Variants in ZNF676 observed in about 807,000 individuals in gnomAD.
ZNF676 encodes zinc finger protein 676.
In ZNF676, 4 loss-of-function variants were observed where a neutral mutation model predicts 6.0. The ratio of observed to expected loss-of-function variants is 0.67; its 90% CI spans 0.33 to 1.53. ZNF676 has a LOEUF of 1.53. Among genes scored for constraint, ZNF676 ranks in the 40% most tolerant of loss-of-function variants. The pLI is 0.06. For missense variants in ZNF676, 644 were observed against 679.7 expected (o/e 0.95, Z 0.58); for synonymous variants, 198 against 223.1 (o/e 0.89, Z 1.00).
chr19:22,181,323 T>C lies in ZNF676; in HGVS notation c.394A>G (p.Lys132Glu). The C allele has an allele frequency of 1.9e-6, 3 of 1,613,798 alleles. No homozygotes were observed. Among genetic ancestry groups the C allele is most frequent in the South Asian group, 1.1e-5 (1 of 91,072 alleles). Reference protein sequence around the residue: ...FHKCSNSNRHKIRHTGEKGLK... With the variant: ...FHKCSNSNRHEIRHTGEKGLK... ...CCTTTCTCTCCAGTATGCCTTATCT[T>C]ATGTCTGTTTGAATTTGAACATTTA... The change falls in exon 3 of 3, where the codon AAG becomes GAG. Residue 132 changes from lysine to glutamate, a missense_variant. Lys to Glu is a moderately conservative substitution (Grantham distance 56). Coordinates refer to ENST00000397121, the MANE Select transcript of ZNF676 (RefSeq NM_001001411.3).
chr19:22,185,404 A>G (rs1461853403), intron 2 of ZNF676, among the ~76,000 whole-genome samples: 1 of 151,902 alleles, frequency 6.6e-6, no homozygotes, highest in Non-Finnish European at 1.5e-5. Flanking sequence ...ATCCATAAAG[A>G]TGGGGAGAAA....
At chr19:22,221,474 G>C in the ZNF676 span, among the ~76,000 whole-genome samples, 4 of 152,198 alleles carry the variant, frequency 2.6e-5, no homozygotes, top group South Asian at 8.3e-4. Context: ...TTCAGGGGCT[G>C]GGCATGGTGG....
In ZNF676 at chr19:22,180,207, G is replaced by C; in HGVS notation, c.1510C>G (p.Arg504Gly). The change falls in exon 3 of 3, where the codon CGC (arginine) becomes GGC (glycine). Residue 504 changes from arginine to glycine, a missense_variant. Physicochemically the swap from Arg to Gly is moderately radical, Grantham distance 125 (BLOSUM62 -2). Around this residue, in one of 5 missense-constraint regions of ZNF676, gnomAD observed 306 missense variants for 265.4 expected, o/e 1.15. Transcript: ENST00000397121. ...TTGCCACATTCTTCACATTTGTAGC[G>C]TTTCTCTCCAGTATGAATTATCTTA... ...KHKIIHTGEKRYKCEECGKAF... is the reference protein window; with the variant it reads ...KHKIIHTGEKGYKCEECGKAF... The C allele has an allele frequency of 6.2e-7, 1 of 1,613,728 alleles. No homozygotes were observed. The highest frequency in any genetic ancestry group is 8.5e-7 in the Non-Finnish European group (1 of 1,179,914).
At chr19:22,251,662 C>T in the ZNF676 span, among the ~76,000 whole-genome samples, 2 of 152,016 alleles carry the variant, frequency 1.3e-5, no homozygotes, top group African/African-American at 2.4e-5. Flanking sequence ...GTGGCACGTG[C>T]CTGTAATCCC....
chr19:22,186,645 A>G (rs566424949), intron 2 of ZNF676, among the ~76,000 whole-genome samples: 18 of 152,356 alleles, frequency 1.2e-4, no homozygotes, highest in African/African-American at 3.8e-4. Context: ...TCCATCTCAC[A>G]TGCAAAGACA....
In ZNF676 at chr19:22,180,907, T is replaced by G; in HGVS notation, c.810A>C (p.Thr270=). 1.4e-6 allele frequency: 2 copies of G among 1,425,764 alleles called. No individual in the cohort carries two copies. Among genetic ancestry groups the G allele is most frequent in the Non-Finnish European group, 1.9e-6 (2 of 1,027,044 alleles). 88.3% of individuals were successfully genotyped at this position (1,425,764 alleles called of 1,614,324 possible). A position where few individuals can be genotyped will look rare whatever the true frequency, so the allele number is the denominator to read the frequency against. ...TCTCTTCAGCATGAATTGCCTTATG[T>G]GTATTAAGGGTTGAGACGCTACTAA... ...KGFSSVSTLN[T]HKAIHAEEKP... is the part of the protein sequence containing the mutation. The change falls in exon 3 of 3, where the codon ACA becomes ACC. Residue 270 remains threonine, a synonymous_variant. Transcript: ENST00000397121.
the ZNF676 span, among the ~76,000 whole-genome samples, chr19:22,239,372 G>A: frequency 6.6e-6 from 1 of 151,656 alleles, no homozygotes. Flanking sequence ...TAGAGACAGG[G>A]TTTCACCGTG....
At chr19:22,249,443 G>A in the ZNF676 span, among the ~76,000 whole-genome samples, 2 of 151,910 alleles carry the variant, frequency 1.3e-5, no homozygotes, top group Admixed American at 6.6e-5. Flanking sequence ...ACAGAGTTTC[G>A]TTCCTGTTGC....
At chr19:22,191,674 A>G (rs1349228046) in intron 2 of ZNF676, among the ~76,000 whole-genome samples, 1 of 152,140 alleles carries the variant, frequency 6.6e-6, no homozygotes, top group Non-Finnish European at 1.5e-5. Context: ...CTACTGAGCA[A>G]CGTCCTGAAG....
the ZNF676 span, among the ~76,000 whole-genome samples, chr19:22,234,962 GAGAAAGAAAGAA>G: frequency 0.11 from 11,214 of 101,148 alleles, 751 homozygotes; most frequent in Middle Eastern, 0.12. Flanking sequence ...AAGAAAGCAA[GAGAAAGAAAGAA>G]AGAAAGAAAG....
At chr19:22,231,948 T>C in the ZNF676 span, among the ~76,000 whole-genome samples, 1,688 of 152,186 alleles carry the variant, frequency 0.011, 22 homozygotes, top group African/African-American at 0.039. Context: ...AAAATGTTTT[T>C]TTAAGTCAAA....
intron 1 of ZNF676, among the ~76,000 whole-genome samples, chr19:22,212,804 G>T (rs1418434618): frequency 1.3e-5 from 2 of 152,016 alleles, no homozygotes; most frequent in African/African-American, 4.8e-5. Context: ...AGACCAGCCT[G>T]GGCAATATGG....
At chr19:22,186,175 T>C (rs4584959) in intron 2 of ZNF676, among the ~76,000 whole-genome samples, 64,439 of 152,028 alleles carry the variant, frequency 0.42, 14,484 homozygotes, top group African/African-American at 0.58. Context: ...AGACTAACAG[T>C]GGATCTCTCT....
At chr19:22,223,083 C>G in the ZNF676 span, among the ~76,000 whole-genome samples, 4 of 152,022 alleles carry the variant, frequency 2.6e-5, no homozygotes, top group Non-Finnish European at 4.4e-5. Flanking sequence ...TCTGGAAGGG[C>G]AGAAGCTCTC....
upstream of ZNF676, among the ~76,000 whole-genome samples, chr19:22,200,279 T>A (rs2024011217): frequency 1.3e-5 from 2 of 151,752 alleles, no homozygotes; most frequent in South Asian, 4.1e-4. Context: ...AGAAGAAAAA[T>A]AAGTATTCTT....
chr19:22,206,401 G>A (rs187436465), intron 1 of ZNF676, among the ~76,000 whole-genome samples: 7 of 152,158 alleles, frequency 4.6e-5, no homozygotes, highest in African/African-American at 4.8e-5. Flanking sequence ...AGCTGGGCCC[G>A]GTGGCTCATG....
chr19:22,187,513 G>C (rs1042307716), intron 2 of ZNF676, among the ~76,000 whole-genome samples: 1 of 150,320 alleles, frequency 6.7e-6, no homozygotes, highest in Non-Finnish European at 1.5e-5. Flanking sequence ...AAATAACTAA[G>C]AACAGAGCAG....
chr19:22,228,555 A>C, the ZNF676 span, among the ~76,000 whole-genome samples: 1 of 152,190 alleles, frequency 6.6e-6, no homozygotes, highest in Middle Eastern at 3.2e-3. Context: ...GGAAAAGAGG[A>C]AGTCAAATTG....
At chr19:22,215,427 G>A (rs1298111851) in intron 1 of ZNF676, among the ~76,000 whole-genome samples, 1 of 152,160 alleles carries the variant, frequency 6.6e-6, no homozygotes, top group Non-Finnish European at 1.5e-5. Context: ...TCCAGGCCAG[G>A]GCACAATCAC....
Sources: gnomAD v4.1 joint callset for allele counts (sites outside exome capture counted in the v4.1 genomes callset) on GRCh38, gnomAD v4.1.1 for gene constraint, gnomAD v4.1.1 regional missense constraint, MANE v1.5 for transcripts, NCBI Gene and HGNC (gene_info 2026-07-23, HGNC 2026-07-21) for gene names.